CHMP1A: variants seen among roughly 807,000 people sequenced by gnomAD.
CHMP1A encodes the protein charged multivesicular body protein 1A, also known as VPS46 homolog A.
Under a neutral mutation model 27.0 loss-of-function variants are expected in CHMP1A, and 17 were observed. That is an observed-to-expected ratio of 0.63 (90% CI 0.43 to 0.95). The LOEUF is 0.95. Ranked by LOEUF, CHMP1A falls within the 40% of genes least tolerant of loss-of-function variation. The pLI, the probability that CHMP1A is intolerant of heterozygous loss-of-function variation, is 0.00. For synonymous variants in CHMP1A, 131 were observed against 107.5 expected (o/e 1.22, Z -1.35); for missense variants, 275 against 264.0 (o/e 1.04, Z -0.29).
chr16:89,655,442 C>T (rs1401215635), intron 1 of CHMP1A, among the ~76,000 whole-genome samples: 1 of 149,302 alleles, frequency 6.7e-6, no homozygotes, highest in Non-Finnish European at 1.5e-5. Flanking sequence ...GCTCTCCTCA[C>T]CTCAGCTTTC....
At chr16:89,657,533 CG>C (rs994075344) in intron 1 of CHMP1A, 48 bp downstream of exon 1, 6 of 1,604,534 alleles carry the variant, frequency 3.7e-6, no homozygotes, top group Non-Finnish European at 5.1e-6. Flanking sequence ...GTGGGAGAAG[CG>C]GCCCCGCCCC....
At chr16:89,646,919 T>C in intron 5 of CHMP1A, 2 of 553,396 alleles carry the variant, frequency 3.6e-6, no homozygotes, top group Non-Finnish European at 3.0e-6. Flanking sequence ...GACTGTGCCA[T>C]GCCTGCTGCC....
chr16:89,646,590 G>C lies in CHMP1A; in HGVS notation c.506C>G (p.Pro169Arg). The C allele has an allele frequency of 6.2e-7, 1 of 1,600,622 alleles. No homozygotes were observed. The highest frequency in any genetic ancestry group is 8.5e-7 in the Non-Finnish European group (1 of 1,174,898). The change falls in exon 6 of 7, where the codon CCC becomes CGC. Residue 169 changes from proline (P) to arginine (R), a missense_variant. Physicochemically the swap from Pro to Arg is moderately radical, Grantham distance 103. Transcript: ENST00000397901. ...CTCGCCCACGGCAGAGGCGCCCTCG[G>C]GCAGCTGGCTGAGCTGGTCCAGCAC... ...LEVLDQLSQLPEGASAVGESS... is the reference protein window; with the variant it reads ...LEVLDQLSQLREGASAVGESS...
intron 5 of CHMP1A, chr16:89,646,990 G>A: frequency 1.4e-6 from 2 of 1,452,072 alleles, no homozygotes; most frequent in South Asian, 1.3e-5. Flanking sequence ...TCCCCACAAG[G>A]AGCCAGGTGC....
At chr16:89,650,081 G>T (rs1342122286) in intron 3 of CHMP1A, among the ~76,000 whole-genome samples, 3 of 152,236 alleles carry the variant, frequency 2.0e-5, no homozygotes, top group Non-Finnish European at 4.4e-5. Flanking sequence ...CTCCCTGGGA[G>T]CCTGGCTGTG....
intron 5 of CHMP1A, chr16:89,646,962 T>C: frequency 3.0e-6 from 4 of 1,321,872 alleles, no homozygotes; most frequent in South Asian, 1.4e-5. Context: ...CTCTGCATGC[T>C]TGTCTGCCAT....
chr16:89,649,307 A>G, intron 4 of CHMP1A, 44 bp downstream of exon 4: 1 of 1,595,936 alleles, frequency 6.3e-7, no homozygotes, highest in East Asian at 2.3e-5. Flanking sequence ...TTCCTGCTTC[A>G]GCCAGCGAAC....
chr16:89,647,412 T>C, intron 4 of CHMP1A, 81 bp from the exon 5 acceptor site: 3 of 1,398,152 alleles, frequency 2.1e-6, no homozygotes, highest in Non-Finnish European at 2.9e-6. Context: ...CCCTGGACTC[T>C]GACAGGAGAG....
chr16:89,657,181 A>G (rs1302421050), intron 1 of CHMP1A, among the ~76,000 whole-genome samples: 45 of 72,942 alleles, frequency 6.2e-4, no homozygotes, highest in South Asian at 1.0e-3. Flanking sequence ...GAGGCCCGGG[A>G]GAAGGGGTCC....
At position 89,647,601 on chromosome 16, in the gene CHMP1A, C is replaced by A. The variant is rs367697747; in HGVS notation, c.253-270G>T. ...GGGTCAGTGGAGAAAAGGCCGCCGA[C>A]GTGGAGACCCAGTGCGGGGTCGGTG... On this transcript the variant is annotated intron_variant, in intron 4 of 6. Transcript: ENST00000397901. Among the ~76,000 whole-genome samples, 146 of 119,360 alleles carry A rather than the reference C, an allele frequency of 1.2e-3. 1 individual carries two copies. The highest frequency in any genetic ancestry group is 4.3e-3 in the Middle Eastern group (1 of 234). 78.3% of individuals were successfully genotyped at this position (119,360 alleles called of 152,430 possible). A position where few individuals can be genotyped will look rare whatever the true frequency, so the allele number is the denominator to read the frequency against.
intron 3 of CHMP1A, 21 bp from the exon 4 acceptor site, chr16:89,649,518 C>T (rs777339852): frequency 6.2e-7 from 1 of 1,613,026 alleles, no homozygotes; most frequent in African/African-American, 1.3e-5. Context: ...CGGGGGAAAG[C>T]AGCTGGAAGA....
chr16:89,654,747 C>T (rs2059851416), intron 1 of CHMP1A, among the ~76,000 whole-genome samples: 1 of 152,120 alleles, frequency 6.6e-6, no homozygotes, highest in African/African-American at 2.4e-5. Context: ...TCGAGACCAT[C>T]CTGGCTAACA....
At chr16:89,649,218 C>G in intron 4 of CHMP1A, 133 bp downstream of exon 4, 13 of 912,584 alleles carry the variant, frequency 1.4e-5, no homozygotes, top group Non-Finnish European at 2.0e-5. Flanking sequence ...GCTGATCCAG[C>G]TTCCCTCAAC....
chr16:89,647,105 A>C (rs1221599692), intron 5 of CHMP1A, 98 bp downstream of exon 5: 1 of 1,543,490 alleles, frequency 6.5e-7, no homozygotes, highest in South Asian at 1.2e-5. Context: ...ACAGGTATGC[A>C]GAGACAGCAC....
At chr16:89,649,656 A>G (rs1437052482) in intron 3 of CHMP1A, 159 bp from the exon 4 acceptor site, 2 of 797,032 alleles carry the variant, frequency 2.5e-6, no homozygotes, top group Admixed American at 5.4e-5. Flanking sequence ...ACTCAACGCA[A>G]GCTCCGCCCC....
Position 89,645,576 on chromosome 16 carries a change from G to A in CHMP1A, c.*490C>T. 1 of 221,490 alleles carries A rather than the reference G, an allele frequency of 4.5e-6. No individual in the cohort carries two copies. Among genetic ancestry groups the A allele is most frequent in the Non-Finnish European group, 9.2e-6 (1 of 108,568 alleles). The allele number at this position is 221,490 out of a possible 1,614,324, so 13.7% of individuals were successfully genotyped here. A position where few individuals can be genotyped will look rare whatever the true frequency, so the allele number is the denominator to read the frequency against. On this transcript the variant is annotated 3_prime_UTR_variant, in exon 7 of 7. Transcript: ENST00000397901. The stretch of plus-strand genomic sequence containing the variant: ...TTGTAAATACCACCAGGACAGCGTT[G>A]GGTGGCACCTGACATCCCCCAGCAC...
At chr16:89,647,023 T>C in intron 5 of CHMP1A, 180 bp downstream of exon 5, 2 of 1,517,260 alleles carry the variant, frequency 1.3e-6, no homozygotes, top group South Asian at 1.2e-5. Context: ...CCCGCCGCCC[T>C]GCCCACCCTA....
At chr16:89,651,400 ACAAAAT>A (rs1366647854) in intron 3 of CHMP1A, among the ~76,000 whole-genome samples, 163 bp downstream of exon 3, 3 of 150,800 alleles carry the variant, frequency 2.0e-5, no homozygotes, top group East Asian at 1.9e-4. Flanking sequence ...AAACAAACAA[ACAAAAT>A]ATATATATAT....
chr16:89,656,116 C>CTA (rs1257382196), intron 1 of CHMP1A, among the ~76,000 whole-genome samples: 1 of 152,134 alleles, frequency 6.6e-6, no homozygotes, highest in Non-Finnish European at 1.5e-5. Flanking sequence ...CACGGTGGTA[C>CTA]TATAGCTTTT....
Sources: gnomAD v4.1 joint callset for allele counts (sites outside exome capture counted in the v4.1 genomes callset) on GRCh38, gnomAD v4.1.1 for gene constraint, MANE v1.5 for transcripts, NCBI Gene and HGNC (gene_info 2026-07-23, HGNC 2026-07-21) for gene names.